The following ANXA13 variants were observed in gnomAD, a reference collection of about 807,000 sequenced individuals.
ANXA13 encodes annexin A13.
Under a neutral mutation model 46.6 loss-of-function variants are expected in ANXA13, and 36 were observed. The observed-to-expected ratio is 0.77, with a 90% CI of 0.59 to 1.02. The LOEUF is 1.02. ANXA13 is among the 50% of genes least tolerant of loss of function. ANXA13 has a pLI of 0.00. For synonymous variants in ANXA13, 163 were observed against 152.9 expected, an observed-to-expected ratio of 1.07 and a Z score of -0.49; for missense variants, 417 against 396.5, an observed-to-expected ratio of 1.05 and a Z score of -0.44.
chr8:123,693,835 AAACT>A (rs1813284616), intron 6 of ANXA13, 56 bp from the exon 7 acceptor site: 1 of 1,488,054 alleles, frequency 6.7e-7, no homozygotes, highest in Non-Finnish European at 9.4e-7. Flanking sequence ...CACAGAAAAC[AAACT>A]AACAAAAAAA....
chr8:123,690,142 G>C lies in ANXA13; in HGVS notation c.643-1196C>G, dbSNP rs563722786. On this transcript the variant is annotated intron_variant, in intron 8 of 10. Transcript: ENST00000419625. The surrounding 1 kb of genome is among the most constrained non-coding windows in gnomAD (Gnocchi z 4.6). ...GGGAGTCATTATTTTGGAAGGGATT[G>C]GTATCCCTTTCCCAGAAACAAGGTT... Among the ~76,000 whole-genome samples, 3 of 152,044 alleles carry C rather than the reference G, an allele frequency of 2.0e-5. No homozygotes were observed. The highest frequency in any genetic ancestry group is 4.8e-5 in the African/African-American group (2 of 41,386).
intron 1 of ANXA13, chr8:123,728,384 G>A (rs918254053): frequency 1.3e-5 from 2 of 152,140 alleles, no homozygotes; most frequent in Admixed American, 6.5e-5. Flanking sequence ...ACCGTGAAAG[G>A]AACCATGCTT....
In ANXA13 at chr8:123,706,638, C is replaced by T. The variant is rs111794711; in HGVS notation, c.92-3902G>A. ...CACATGCAAGTTCCTCTGTTGCTCT[C>T]ACTTTTTCCAATTGGCATTCACTGC... On this transcript the variant is annotated intron_variant, in intron 2 of 10. Coordinates refer to ENST00000419625, the MANE Select transcript of ANXA13 (RefSeq NM_004306.4). Among the ~76,000 whole-genome samples the T allele has an allele frequency of 6.5e-3, 985 of 152,366 alleles. 14 individuals are homozygous for T. Among genetic ancestry groups the T allele is most frequent in the African/African-American group, 0.023 (946 of 41,580 alleles).
At chr8:123,719,259 GAATT>G (rs1342100099) in intron 1 of ANXA13, among the ~76,000 whole-genome samples, 1 of 152,182 alleles carries the variant, frequency 6.6e-6, no homozygotes, top group Non-Finnish European at 1.5e-5. Context: ...AGAGGCATGT[GAATT>G]AATTAAGAAA....
intron 1 of ANXA13, chr8:123,728,514 C>T (rs1814046598): frequency 6.6e-6 from 1 of 152,088 alleles, no homozygotes; most frequent in Admixed American, 6.6e-5. Context: ...GGATTCATTA[C>T]TTGCAGGAAA....
At chr8:123,730,451 T>C (rs912578560) in intron 1 of ANXA13, among the ~76,000 whole-genome samples, 1 of 152,138 alleles carries the variant, frequency 6.6e-6, no homozygotes, top group South Asian at 2.1e-4. Context: ...GGAACTCTAA[T>C]GTGCTGAAGT....
chr8:123,694,939 C>A (rs571914152), intron 6 of ANXA13, among the ~76,000 whole-genome samples: 1 of 151,704 alleles, frequency 6.6e-6, no homozygotes, highest in Admixed American at 6.6e-5. Context: ...GCACAGAGCT[C>A]GTAAAGATGA....
chr8:123,693,226 A>G lies in ANXA13; in HGVS notation c.613T>C (p.Leu205=), dbSNP rs1468341245. 2.5e-6 allele frequency: 4 copies of G among 1,614,046 alleles called. No individual in the cohort carries two copies. Among genetic ancestry groups the G allele is most frequent in the Non-Finnish European group, 3.4e-6 (4 of 1,180,036 alleles). The change falls in exon 8 of 11, where the codon TTA becomes CTA. Residue 205 remains leucine, a synonymous_variant. Transcript: ENST00000419625. The part of the protein sequence containing the change: ...EVLAKRSYKQ[L]RATFQAYQIL... Reference sequence around the variant, plus strand: ...TGATAGGCTTGAAAGGTGGCTCGTAACTGCTTGTAGCTCCTCTTGGCCAGG... The same window carrying G: ...TGATAGGCTTGAAAGGTGGCTCGTAGCTGCTTGTAGCTCCTCTTGGCCAGG...
chr8:123,688,959 CCAAAATCAA>C lies in ANXA13; in HGVS notation c.643-22_643-14del. The C allele has an allele frequency of 6.2e-7, 1 of 1,613,114 alleles. No homozygotes were observed. The highest frequency in any genetic ancestry group is 2.2e-5 in the East Asian group (1 of 44,832). On this transcript the variant is annotated splice_polypyrimidine_tract_variant and intron_variant, in intron 8 of 10. Transcript: ENST00000419625. ...CTTTGCCAATGAGCTGCAGCGAAAA[CCAAAATCAA>C]CTGTTATTCCAGGTTTGCCTTTGAC... is the stretch of plus-strand genomic sequence containing the variant.
intron 10 of ANXA13, among the ~76,000 whole-genome samples, chr8:123,682,598 C>T (rs1813059430): frequency 6.6e-6 from 1 of 152,054 alleles, no homozygotes; most frequent in Non-Finnish European, 1.5e-5. Context: ...GGAGGGTTTG[C>T]AGTGGATGTG....
At chr8:123,722,968 T>TTTTACGTACGTA (rs1813913639) in intron 1 of ANXA13, among the ~76,000 whole-genome samples, 1 of 152,228 alleles carries the variant, frequency 6.6e-6, no homozygotes, top group Non-Finnish European at 1.5e-5. Context: ...ACGAGGGGGC[T>TTTTACGTACGTA]GAATTTTAGC....
chr8:123,701,493 C>CA (rs975436931), intron 3 of ANXA13, among the ~76,000 whole-genome samples: 3 of 151,700 alleles, frequency 2.0e-5, no homozygotes, highest in Non-Finnish European at 4.4e-5. Context: ...ACAACAACAA[C>CA]AAAAAAAACC....
chr8:123,691,372 G>A (rs540212356), intron 8 of ANXA13, among the ~76,000 whole-genome samples: 10 of 152,122 alleles, frequency 6.6e-5, no homozygotes, highest in Non-Finnish European at 1.2e-4. Flanking sequence ...TGAATAGATA[G>A]CATTTTAGAG....
Position 123,702,666 on chromosome 8 carries a change from T to C in ANXA13, c.162A>G (p.Gln54=), listed in dbSNP as rs1314243126. The C allele has an allele frequency of 3.7e-6, 6 of 1,614,014 alleles. No homozygotes were observed. The African/African-American group carries it at 6.7e-5, about 18-fold the overall frequency. The change falls in exon 3 of 11, where the codon CAA becomes CAG. Residue 54 remains glutamine (Q), a synonymous_variant. Coordinates refer to ENST00000419625, the MANE Select transcript of ANXA13 (RefSeq NM_004306.4). ...CCTTGCCGTACGTTGCCTTGTACTT[T>C]TGCTTGATTTGTTGCCTCTCATCTG... ...RTSDERQQIK[Q]KYKATYGKEL... is the part of the protein sequence containing the mutation.
intron 1 of ANXA13, among the ~76,000 whole-genome samples, chr8:123,723,254 A>G (rs1041417779): frequency 6.6e-6 from 1 of 152,246 alleles, no homozygotes; most frequent in African/African-American, 2.4e-5. Flanking sequence ...TCGGAGGACC[A>G]AAGAAACTTG....
chr8:123,693,658 G>A (rs1162503020), intron 7 of ANXA13, 53 bp downstream of exon 7: 1 of 1,441,614 alleles, frequency 6.9e-7, no homozygotes, highest in Non-Finnish European at 9.6e-7. Context: ...TGAAAATAAT[G>A]CTAATAAATT....
intron 1 of ANXA13, among the ~76,000 whole-genome samples, chr8:123,733,105 G>C (rs570090883): frequency 6.2e-4 from 94 of 152,264 alleles, no homozygotes; most frequent in Admixed American, 1.1e-3. Context: ...TGAGGCTGCA[G>C]TGAGCCATAA....
chr8:123,696,208 A>G (rs1484610959), intron 4 of ANXA13, among the ~76,000 whole-genome samples: 1 of 152,026 alleles, frequency 6.6e-6, no homozygotes, highest in African/African-American at 2.4e-5. Flanking sequence ...TCCTTGACTT[A>G]GTTTTTCTCT....
chr8:123,714,639 G>A (rs919837398), intron 1 of ANXA13, among the ~76,000 whole-genome samples: 2 of 152,148 alleles, frequency 1.3e-5, no homozygotes, highest in Non-Finnish European at 2.9e-5. Context: ...GTTGGCTTGA[G>A]GCTTTAGTTA....
Sources: allele counts gnomAD v4.1 joint callset (sites outside exome capture counted in the v4.1 genomes callset), GRCh38; gene constraint gnomAD v4.1.1; non-coding constraint Gnocchi (gnomAD v3.1); transcripts MANE v1.5; gene names NCBI Gene and HGNC (gene_info 2026-07-23, HGNC 2026-07-21).